Variants in ADRA1B observed in about 807,000 individuals in gnomAD.
ADRA1B encodes adrenoceptor alpha 1B, also known as alpha-1B adrenergic receptor.
A neutral mutation model predicts 17.9 loss-of-function variants in ADRA1B; 17 were observed. The ratio of observed to expected loss-of-function variants is 0.95; its 90% confidence interval spans 0.65 to 1.42. ADRA1B has a LOEUF of 1.42. Ranked by LOEUF, ADRA1B falls within the 40% of genes most tolerant of loss-of-function variation. The pLI is 0.00. For synonymous variants in ADRA1B, 366 were observed against 327.6 expected, an observed-to-expected ratio of 1.12 and a Z score of -1.27; for missense variants, 681 against 722.1, an observed-to-expected ratio of 0.94 and a Z score of 0.65.
intron 1 of ADRA1B, among the ~76,000 whole-genome samples, chr5:159,945,726 T>C (rs1196184465): frequency 1.3e-5 from 2 of 151,350 alleles, no homozygotes; most frequent in Non-Finnish European, 2.9e-5. Flanking sequence ...TGTAATCCGA[T>C]TTCTGGTGGG....
chr5:159,910,165 G>C (rs752028589), intron 1 of ADRA1B, among the ~76,000 whole-genome samples: 1 of 152,058 alleles, frequency 6.6e-6, no homozygotes, highest in Non-Finnish European at 1.5e-5. Context: ...GTGTTTTTAC[G>C]AGCCAGCTCC....
chr5:159,888,911 T>C (rs1169412859), intron 1 of ADRA1B, among the ~76,000 whole-genome samples: 1 of 152,238 alleles, frequency 6.6e-6, no homozygotes, highest in African/African-American at 2.4e-5. Context: ...CACTTCCTTT[T>C]TTAAGCCACT....
chr5:159,921,488 T>C (rs1754478825), intron 1 of ADRA1B, among the ~76,000 whole-genome samples: 1 of 152,184 alleles, frequency 6.6e-6, no homozygotes, highest in South Asian at 2.1e-4. Flanking sequence ...AAGAAGTGGC[T>C]GAGCTATTGA....
At chr5:159,949,430 C>T (rs1755363935) in intron 1 of ADRA1B, among the ~76,000 whole-genome samples, 1 of 152,186 alleles carries the variant, frequency 6.6e-6, no homozygotes, top group Non-Finnish European at 1.5e-5. Context: ...AACAGCTACG[C>T]AGAAAATGTA....
At chr5:159,884,991 T>A (rs1196756080) in intron 1 of ADRA1B, among the ~76,000 whole-genome samples, 1 of 152,200 alleles carries the variant, frequency 6.6e-6, no homozygotes, top group Non-Finnish European at 1.5e-5. Flanking sequence ...CACCTGGGAA[T>A]GTTTGGCTCT....
chr5:159,977,379 G>A (rs758580322), downstream of ADRA1B, among the ~76,000 whole-genome samples: 22 of 152,164 alleles, frequency 1.4e-4, no homozygotes, highest in Non-Finnish European at 2.5e-4. Flanking sequence ...AGGTCAGCAA[G>A]CAATCCCTTC....
At chr5:159,981,440 A>G in the ADRA1B span, among the ~76,000 whole-genome samples, 1 of 152,182 alleles carries the variant, frequency 6.6e-6, no homozygotes, top group Non-Finnish European at 1.5e-5. Flanking sequence ...AAGGTTACCC[A>G]TATTTACAAA....
intron 1 of ADRA1B, among the ~76,000 whole-genome samples, chr5:159,952,411 T>C (rs1193963829): frequency 6.6e-6 from 1 of 152,226 alleles, no homozygotes; most frequent in Admixed American, 6.5e-5. Flanking sequence ...TGTAATATAA[T>C]ATTTTTGGAC....
At chr5:159,927,034 A>G (rs1329122994) in intron 1 of ADRA1B, among the ~76,000 whole-genome samples, 1 of 152,212 alleles carries the variant, frequency 6.6e-6, no homozygotes, top group Non-Finnish European at 1.5e-5. Context: ...CAAAATGCCA[A>G]TCTGGGCCTG....
intron 1 of ADRA1B, among the ~76,000 whole-genome samples, chr5:159,961,267 A>T (rs1178784038): frequency 6.6e-6 from 1 of 152,238 alleles, no homozygotes; most frequent in Admixed American, 6.5e-5. Context: ...ACATAGTAGC[A>T]GGGCTGTTGG....
chr5:159,930,180 G>T (rs899416640), intron 1 of ADRA1B, among the ~76,000 whole-genome samples: 3 of 152,176 alleles, frequency 2.0e-5, no homozygotes, highest in African/African-American at 4.8e-5. Context: ...AAACAATGTT[G>T]GATGAATACT....
At chr5:159,879,971 G>A (rs1753839747) in intron 1 of ADRA1B, among the ~76,000 whole-genome samples, 1 of 152,146 alleles carries the variant, frequency 6.6e-6, no homozygotes, top group Non-Finnish European at 1.5e-5. Context: ...ACTCCGGCTT[G>A]AGATACAGAG....
intron 1 of ADRA1B, chr5:159,868,203 T>A (rs1258267211): frequency 6.6e-6 from 1 of 152,230 alleles, no homozygotes; most frequent in Admixed American, 6.5e-5. Context: ...AGTAAAGTAC[T>A]TGGCTTGGTA....
intron 1 of ADRA1B, among the ~76,000 whole-genome samples, chr5:159,936,980 T>C (rs1246883856): frequency 1.3e-5 from 2 of 152,174 alleles, no homozygotes; most frequent in African/African-American, 2.4e-5. Flanking sequence ...AGCATTGACA[T>C]CACCCAGAAA....
At chr5:159,950,579 C>T (rs1755408017) in intron 1 of ADRA1B, 2 of 1,270,106 alleles carry the variant, frequency 1.6e-6, no homozygotes, top group Non-Finnish European at 2.3e-6. Context: ...ATGAGCTTGA[C>T]AAAATGGTCT....
intron 1 of ADRA1B, among the ~76,000 whole-genome samples, chr5:159,953,714 A>G (rs1402621860): frequency 6.6e-6 from 1 of 152,166 alleles, no homozygotes; most frequent in Non-Finnish European, 1.5e-5. Flanking sequence ...TAATTAGTGA[A>G]ATCTCCTTGC....
intron 1 of ADRA1B, among the ~76,000 whole-genome samples, chr5:159,879,403 G>T (rs141448417): frequency 1.3e-5 from 2 of 152,178 alleles, no homozygotes; most frequent in African/African-American, 4.8e-5. Context: ...ACATCTTTTG[G>T]TTATCACTCC....
At chr5:159,971,793 G>A (rs1755869938) in intron 1 of ADRA1B, 86 bp from the exon 2 acceptor site, 1 of 1,285,444 alleles carries the variant, frequency 7.8e-7, no homozygotes, top group East Asian at 2.8e-5. Context: ...GGTTGACAAT[G>A]TTGAGGAGAA....
At chr5:159,868,337 A>G (rs1394970304) in intron 1 of ADRA1B, 2 of 152,200 alleles carry the variant, frequency 1.3e-5, no homozygotes, top group Non-Finnish European at 2.9e-5. Flanking sequence ...ACAATTTCCT[A>G]TGGGGAAATA....
Sources: gnomAD v4.1 joint callset for allele counts (sites outside exome capture counted in the v4.1 genomes callset) on GRCh38, gnomAD v4.1.1 for gene constraint, MANE v1.5 for transcripts, NCBI Gene and HGNC (gene_info 2026-07-23, HGNC 2026-07-21) for gene names.